The following COL5A3 variants were observed in gnomAD, a reference collection of about 807,000 sequenced individuals.
The protein encoded by COL5A3 is collagen alpha-3(V) chain.
COL5A3 carries 172 observed loss-of-function variants against 250.0 expected under a neutral mutation model. The observed-to-expected ratio is 0.69, with a 90% CI of 0.61 to 0.78. COL5A3 has a LOEUF of 0.78. Ranked by LOEUF, COL5A3 falls within the 30% of genes least tolerant of loss-of-function variation. The pLI is 0.00. For missense variants in COL5A3, 2,340 were observed against 2,334.4 expected (o/e 1.00, Z -0.05); for synonymous variants, 937 against 900.4 (o/e 1.04, Z -0.73).
chr19:9,977,312 C>A (rs1455864176), intron 43 of COL5A3, 30 bp from the exon 44 acceptor site: 1 of 1,613,722 alleles, frequency 6.2e-7, no homozygotes, highest in Non-Finnish European at 8.5e-7. Context: ...AAGGACCCAG[C>A]TTCCATTCAC....
chr19:10,001,070 T>G (rs903465771), intron 8 of COL5A3, among the ~76,000 whole-genome samples: 19 of 152,102 alleles, frequency 1.2e-4, no homozygotes, highest in African/African-American at 4.6e-4. Context: ...GTAACAAGCC[T>G]GCACTTGTAC....
At chr19:9,974,755 G>A (rs34094747) in intron 45 of COL5A3, among the ~76,000 whole-genome samples, 17,203 of 151,992 alleles carry the variant, frequency 0.11, 1,111 homozygotes, top group South Asian at 0.26. Flanking sequence ...TGGAAGAGTT[G>A]GGTCAGAGTT....
intron 21 of COL5A3, 61 bp downstream of exon 21, chr19:9,992,766 G>T (rs1044256874): frequency 5.2e-6 from 8 of 1,541,412 alleles, no homozygotes; most frequent in Non-Finnish European, 2.7e-6. Context: ...GACAGAGCGA[G>T]ACCCTAATCT....
At chr19:9,997,932 C>A in intron 10 of COL5A3, 52 bp downstream of exon 10, 1 of 1,603,368 alleles carries the variant, frequency 6.2e-7, no homozygotes. Context: ...GGATTAAACA[C>A]CCCTCAGCTG....
At chr19:9,969,544 C>T (rs367560829) in intron 56 of COL5A3, 31 bp downstream of exon 56, 20 of 1,606,322 alleles carry the variant, frequency 1.2e-5, no homozygotes, top group Non-Finnish European at 1.4e-5. Flanking sequence ...GCTGGATCCA[C>T]CCTGTCCCAC....
At position 9,981,090 on chromosome 19, in the gene COL5A3, G is replaced by A; in HGVS notation, c.2503C>T (p.Pro835Ser). ...GGGGGCACTGTCTATTTTCTTACTG[G>A]TGGTCCCCGCTCTCCTTCCAGGCCT... Reference protein sequence around the residue: ...QPGLEGERGPPGSRGERGQPG... With the variant: ...QPGLEGERGPSGSRGERGQPG... Residue 835 changes from proline to serine, a missense_variant and splice_region_variant, in exon 33 of 67, where the codon CCA (proline) becomes TCA (serine). Physicochemically the swap from Pro to Ser is moderately conservative, Grantham distance 74. Around this residue, in one of 3 missense-constraint regions of COL5A3, gnomAD observed 1,152 missense variants for 1,146.3 expected, o/e 1.00. Coordinates refer to ENST00000264828, the MANE Select transcript of COL5A3 (RefSeq NM_015719.4). 1 of 1,613,786 alleles carries A rather than the reference G, an allele frequency of 6.2e-7. No individual in the cohort carries two copies. Among genetic ancestry groups the A allele is most frequent in the Non-Finnish European group, 8.5e-7 (1 of 1,179,850 alleles).
chr19:9,973,974 T>C lies in COL5A3; in HGVS notation c.3505-2A>G. ...AGGACCTGGAGCTCCATGGGGACCCTGTGGAAGGTCAGAATTAGTACCCAG... is the reference window on the plus strand; with the variant it reads ...AGGACCTGGAGCTCCATGGGGACCCCGTGGAAGGTCAGAATTAGTACCCAG... On this transcript the variant is annotated splice_acceptor_variant, in intron 47 of 66. Coordinates refer to ENST00000264828, the MANE Select transcript of COL5A3 (RefSeq NM_015719.4). LOFTEE classifies it high-confidence loss of function. 6.5e-7 allele frequency: 1 copy of C among 1,535,518 alleles called. No individual in the cohort carries two copies. The highest frequency in any genetic ancestry group is 8.8e-7 in the Non-Finnish European group (1 of 1,141,966).
chr19:9,974,030 C>T, intron 47 of COL5A3, 58 bp from the exon 48 acceptor site: 1 of 1,520,542 alleles, frequency 6.6e-7, no homozygotes, highest in Non-Finnish European at 8.8e-7. Context: ...CAAAAGGCCA[C>T]ATTGACCACA....
chr19:10,006,610 C>G (rs1043909309), intron 1 of COL5A3, among the ~76,000 whole-genome samples: 2 of 152,168 alleles, frequency 1.3e-5, no homozygotes, highest in Non-Finnish European at 2.9e-5. Flanking sequence ...CTGGAGCCCC[C>G]TTGCCAGGGG....
In COL5A3 at chr19:9,973,909, G is replaced by A. The variant is rs2086886551; in HGVS notation, c.3558+10C>T. 2 of 1,585,356 alleles carry A rather than the reference G, an allele frequency of 1.3e-6. No homozygotes were observed. Among genetic ancestry groups the A allele is most frequent in the East Asian group, 4.5e-5 (2 of 44,482 alleles). ...TCTCTGAGCCTTCCTGGCCCCCCAA[G>A]AGTTCTCACCTCTGATCCAGTGGGG... is the stretch of plus-strand genomic sequence containing the variant. On this transcript the variant is annotated intron_variant, in intron 48 of 66. Coordinates refer to ENST00000264828, the MANE Select transcript of COL5A3 (RefSeq NM_015719.4).
chr19:10,008,188 C>G (rs988054006), intron 1 of COL5A3, among the ~76,000 whole-genome samples: 3 of 152,094 alleles, frequency 2.0e-5, no homozygotes, highest in African/African-American at 7.2e-5. Context: ...TTGAGACCGA[C>G]GACCTCACCC....
At chr19:9,961,294 C>T (rs1263890924) in intron 65 of COL5A3, among the ~76,000 whole-genome samples, 3 of 152,192 alleles carry the variant, frequency 2.0e-5, no homozygotes, top group African/African-American at 2.4e-5. Flanking sequence ...CTAATAGCCA[C>T]GTGGCTTTTG....
chr19:9,960,852 G>A lies in COL5A3; in HGVS notation c.4890C>T (p.Val1630=), dbSNP rs137895680. ...YVDADGSPVN[V]VQLNFLKLLS... is the part of the protein sequence containing the mutation. ...GCAGTTTCAGGAAGTTCAGCTGCAC[G>A]ACATTCACTGGGGACCCGTCGGCGT... Residue 1630 remains valine, a synonymous_variant, in exon 66 of 67, where the codon GTC becomes GTT. Transcript: ENST00000264828. The A allele has an allele frequency of 4.0e-5, 64 of 1,610,864 alleles. No homozygotes were observed. Among genetic ancestry groups the A allele is most frequent in the African/African-American group, 2.1e-4 (16 of 75,034 alleles).
chr19:9,977,422 G>A lies in COL5A3; in HGVS notation c.3177C>T (p.Pro1059=). Residue 1059 remains proline, a synonymous_variant, in exon 43 of 67, where the codon CCC becomes CCT. Coordinates refer to ENST00000264828, the MANE Select transcript of COL5A3 (RefSeq NM_015719.4). ...GPTGKDGIPG[P]LGPLGPPGAA... ...CTCCAGGGGGTCCCAGAGGCCCCAGGGGCCCTGGGATCCCATCTTTGCCAG... is the reference window on the plus strand; with the variant it reads ...CTCCAGGGGGTCCCAGAGGCCCCAGAGGCCCTGGGATCCCATCTTTGCCAG... 4 of 1,530,588 alleles carry A rather than the reference G, an allele frequency of 2.6e-6. No homozygotes were observed. The allele number at this position is 1,530,588 out of a possible 1,614,324, so 94.8% of individuals were successfully genotyped here. A position where few individuals can be genotyped will look rare whatever the true frequency, so the allele number is the denominator to read the frequency against.
intron 15 of COL5A3, 41 bp downstream of exon 15, chr19:9,996,025 G>A (rs779924952): frequency 1.3e-6 from 2 of 1,497,124 alleles, no homozygotes; most frequent in Non-Finnish European, 1.8e-6. Flanking sequence ...CTGGGGGAAG[G>A]CTATTCCCAT....
intron 15 of COL5A3, 21 bp downstream of exon 15, chr19:9,996,045 C>T: frequency 6.5e-7 from 1 of 1,546,712 alleles, no homozygotes; most frequent in Non-Finnish European, 8.7e-7. Flanking sequence ...TCCTATCCTG[C>T]CCTATCTCCA....
Position 9,973,023 on chromosome 19 carries a change from G to T in COL5A3, c.3670C>A (p.Pro1224Thr). ...CCCTTTTCACCAATGTCTCCCTTGG[G>T]CCCCTTTACAGAAAGAGGTCAGAGG... ...GPPGAPGIPG[P>T]KGDIGEKGDS... The change falls in exon 51 of 67, where the codon CCC becomes ACC. Residue 1224 changes from proline to threonine, a missense_variant. This residue lies in a region of COL5A3 where 1,179 missense variants were observed against 1,162.6 expected (regional missense o/e 1.01). Transcript: ENST00000264828. 6.2e-7 allele frequency: 1 copy of T among 1,605,718 alleles called. No individual in the cohort carries two copies.
chr19:9,979,996 G>T lies in COL5A3; in HGVS notation c.2656C>A (p.Pro886Thr). ...PPGFPGPKGP[P>T]GHQGKDGRPG... ...CCAATGAGGGTGACCTCACTCACAG[G>T]GGGGCCCTTTGGCCCAGGGAATCCT... is the stretch of plus-strand genomic sequence containing the variant. The change falls in exon 36 of 67, where the codon CCT becomes ACT. Residue 886 changes from proline to threonine, a missense_variant and splice_region_variant. Pro to Thr is a conservative substitution (Grantham distance 38). Transcript: ENST00000264828. 2 of 1,587,432 alleles carry T rather than the reference G, an allele frequency of 1.3e-6. No homozygotes were observed. The highest frequency in any genetic ancestry group is 1.7e-6 in the Non-Finnish European group (2 of 1,172,974).
At chr19:9,974,862 CTTTTG>C (rs1052366516) in intron 45 of COL5A3, among the ~76,000 whole-genome samples, 14 of 151,886 alleles carry the variant, frequency 9.2e-5, no homozygotes, top group African/African-American at 3.4e-4. Context: ...GAAGATAAGG[CTTTTG>C]TTTGTTTGTT....
Sources: gnomAD v4.1 joint callset for allele counts (sites outside exome capture counted in the v4.1 genomes callset) on GRCh38, gnomAD v4.1.1 for gene constraint, gnomAD v4.1.1 regional missense constraint, MANE v1.5 for transcripts, NCBI Gene and HGNC (gene_info 2026-07-23, HGNC 2026-07-21) for gene names.